Variants in ECHDC1 observed in about 807,000 individuals in gnomAD.
The protein encoded by ECHDC1 is ethylmalonyl-CoA decarboxylase 1.
Under a neutral mutation model 29.7 loss-of-function variants are expected in ECHDC1, and 29 were observed. The ratio of observed to expected loss-of-function variants is 0.98; its 90% CI spans 0.73 to 1.33. The LOEUF (loss-of-function observed/expected upper bound fraction) is 1.33, where lower values mean the gene tolerates loss of function less well. Among genes scored for constraint, ECHDC1 ranks in the 40% most tolerant of loss-of-function variants. ECHDC1 has a pLI of 0.00. For missense variants in ECHDC1, 328 were observed against 350.0 expected, an observed-to-expected ratio of 0.94 and a Z score of 0.50; for synonymous variants, 126 against 123.1, an observed-to-expected ratio of 1.02 and a Z score of -0.15.
Position 127,289,168 on chromosome 6 carries a change from A to C in ECHDC1, c.*701T>G, listed in dbSNP as rs748968336. Reference sequence around the variant, plus strand: ...GAGTCCCTTCAAGTGGTTTAAAACTACATCAACAGTAGTTGTTTATTACTA... The same window carrying C: ...GAGTCCCTTCAAGTGGTTTAAAACTCCATCAACAGTAGTTGTTTATTACTA... On this transcript the variant is annotated 3_prime_UTR_variant, in exon 6 of 6. Transcript: ENST00000454859. 4 of 152,098 alleles carry C rather than the reference A, an allele frequency of 2.6e-5. No homozygotes were observed. The highest frequency in any genetic ancestry group is 5.9e-5 in the Non-Finnish European group (4 of 67,982). The allele number at this position is 152,098 out of a possible 1,614,324, so 9.4% of individuals were successfully genotyped here. A position where few individuals can be genotyped will look rare whatever the true frequency, so the allele number is the denominator to read the frequency against.
intron 5 of ECHDC1, among the ~76,000 whole-genome samples, chr6:127,291,545 T>G (rs904121136): frequency 3.9e-5 from 6 of 152,110 alleles, no homozygotes; most frequent in Non-Finnish European, 8.8e-5. Context: ...GAGTTAACAT[T>G]TGCCAGTTCA....
intron 1 of ECHDC1, among the ~76,000 whole-genome samples, chr6:127,331,589 A>G (rs1331328248): frequency 6.6e-6 from 1 of 152,190 alleles, no homozygotes; most frequent in African/African-American, 2.4e-5. Context: ...ATTACAGTAT[A>G]TTTACTGTGC....
chr6:127,293,022 A>C (rs1780321051), intron 5 of ECHDC1, among the ~76,000 whole-genome samples: 2 of 152,116 alleles, frequency 1.3e-5, no homozygotes, highest in South Asian at 4.1e-4. Context: ...TCAAATGTGG[A>C]TATATTTCTT....
intron 5 of ECHDC1, chr6:127,294,843 C>T (rs369308918): frequency 9.8e-6 from 1 of 101,586 alleles, no homozygotes; most frequent in African/African-American, 3.8e-5. Context: ...ACTTCCAAAT[C>T]AAAAATGGGA....
chr6:127,310,406 AGTT>A, intron 5 of ECHDC1, among the ~76,000 whole-genome samples: 2 of 152,188 alleles, frequency 1.3e-5, no homozygotes, highest in Middle Eastern at 6.8e-3. Context: ...AAAAAAAAAA[AGTT>A]GTTTTCAATC....
chr6:127,289,918 C>G lies in ECHDC1; in HGVS notation c.857G>C (p.Gly286Ala), dbSNP rs1779975618. 1 of 1,612,586 alleles carries G rather than the reference C, an allele frequency of 6.2e-7. No homozygotes were observed. Among genetic ancestry groups the G allele is most frequent in the African/African-American group, 1.3e-5 (1 of 74,916 alleles). Residue 286 changes from glycine to alanine, a missense_variant, in exon 6 of 6, where the codon GGG becomes GCG. Physicochemically the swap from Gly to Ala is moderately conservative, Grantham distance 60. Transcript: ENST00000454859. ...AGCAATAGCCTCTAAATTTGCAGGC[C>G]CACCCCAAACTGTTCCTAAAAGATC... ...ERDLLGTVWG[G>A]PANLEAIAKK...
At chr6:127,304,277 C>T (rs532166175) in intron 5 of ECHDC1, among the ~76,000 whole-genome samples, 57 of 152,256 alleles carry the variant, frequency 3.7e-4, no homozygotes, top group South Asian at 1.2e-3. Flanking sequence ...AGAATTCTTC[C>T]GGATCTTCTC....
chr6:127,325,409 G>A (rs1025630859), intron 3 of ECHDC1, among the ~76,000 whole-genome samples: 3 of 152,146 alleles, frequency 2.0e-5, no homozygotes, highest in Non-Finnish European at 4.4e-5. Flanking sequence ...TGAATGAAGT[G>A]TGGAGTTTCT....
At chr6:127,333,653 ACT>A (rs1017806079) in intron 1 of ECHDC1, among the ~76,000 whole-genome samples, 4 of 140,102 alleles carry the variant, frequency 2.9e-5, no homozygotes, top group Middle Eastern at 8.1e-3. Context: ...TATCAATCAT[ACT>A]CTCTTTCTCT....
chr6:127,290,953 T>G (rs1780118530), intron 5 of ECHDC1, among the ~76,000 whole-genome samples: 1 of 152,078 alleles, frequency 6.6e-6, no homozygotes, highest in Admixed American at 6.6e-5. Flanking sequence ...AGAAGGACAC[T>G]GAATATTTGA....
chr6:127,326,841 G>T, intron 3 of ECHDC1, 161 bp downstream of exon 3: 1 of 675,274 alleles, frequency 1.5e-6, no homozygotes. Flanking sequence ...TTGTTATATT[G>T]TTCCTCCTAT....
At chr6:127,326,418 C>T (rs1783339929) in intron 3 of ECHDC1, 3 of 350,242 alleles carry the variant, frequency 8.6e-6, no homozygotes, top group Admixed American at 3.4e-5. Context: ...CATAAACTAC[C>T]CAGTCTCAGG....
chr6:127,310,379 C>A (rs1371381821), intron 5 of ECHDC1, among the ~76,000 whole-genome samples: 1 of 151,748 alleles, frequency 6.6e-6, no homozygotes, highest in African/African-American at 2.4e-5. Context: ...ACTATGTACT[C>A]ATGAAAGTTA....
chr6:127,330,767 A>C (rs1562331204), intron 2 of ECHDC1, 42 bp downstream of exon 2: 1 of 1,541,748 alleles, frequency 6.5e-7, no homozygotes, highest in Non-Finnish European at 8.9e-7. Context: ...ATAACAGTTT[A>C]GATTTAGTGT....
intron 4 of ECHDC1, chr6:127,315,690 G>A: frequency 3.5e-6 from 1 of 283,320 alleles, no homozygotes; most frequent in South Asian, 3.3e-5. Context: ...AAATGCAATA[G>A]GAAAAGGAGG....
intron 5 of ECHDC1, among the ~76,000 whole-genome samples, chr6:127,314,314 C>T (rs1288526219): frequency 1.3e-5 from 2 of 152,166 alleles, no homozygotes; most frequent in Non-Finnish European, 2.9e-5. Flanking sequence ...GCTATTGGTC[C>T]CAAAGAACTT....
At chr6:127,332,370 T>C (rs1456319283) in intron 1 of ECHDC1, among the ~76,000 whole-genome samples, 1 of 152,206 alleles carries the variant, frequency 6.6e-6, no homozygotes, top group African/African-American at 2.4e-5. Flanking sequence ...TCTCAACCAA[T>C]TCAGAATATT....
chr6:127,310,740 A>G (rs1334034848), intron 5 of ECHDC1, among the ~76,000 whole-genome samples: 2 of 152,248 alleles, frequency 1.3e-5, no homozygotes, highest in African/African-American at 2.4e-5. Context: ...AAGTTCTACT[A>G]TGGGTAAAAT....
At chr6:127,311,145 C>A (rs541930417) in intron 5 of ECHDC1, among the ~76,000 whole-genome samples, 22 of 152,148 alleles carry the variant, frequency 1.4e-4, no homozygotes, top group Admixed American at 1.1e-3. Context: ...GGAAACCAAA[C>A]CTGTGATATC....
Sources: allele counts gnomAD v4.1 joint callset (sites outside exome capture counted in the v4.1 genomes callset), GRCh38; gene constraint gnomAD v4.1.1; transcripts MANE v1.5; gene names NCBI Gene and HGNC (gene_info 2026-07-23, HGNC 2026-07-21).